ATP11A: variants seen among roughly 807,000 people sequenced by gnomAD.
ATP11A encodes the protein phospholipid-transporting ATPase IH.
Under a neutral mutation model 154.4 loss-of-function variants are expected in ATP11A, and 81 were observed. That is an observed-to-expected ratio of 0.52 (90% CI 0.44 to 0.63). ATP11A has a LOEUF of 0.63. Among genes scored for constraint, ATP11A ranks in the 30% least tolerant of loss-of-function variants. The pLI, the probability that ATP11A is intolerant of heterozygous loss-of-function variation, is 0.00. For synonymous variants in ATP11A, 623 were observed against 585.9 expected (o/e 1.06, Z -0.91); for missense variants, 1,316 against 1,474.3 (o/e 0.89, Z 1.76).
At chr13:112,868,435 G>T (rs747617917) in intron 25 of ATP11A, among the ~76,000 whole-genome samples, 1 of 152,190 alleles carries the variant, frequency 6.6e-6, no homozygotes, top group Non-Finnish European at 1.5e-5. Context: ...GTGGGGGCAT[G>T]GGGCTTAGCC....
rs1184133174 is a variant in ATP11A at position 112,807,079 on chromosome 13, A to G, written c.333+786A>G. Reference sequence around the variant, plus strand: ...TGTTTCCACTCTTTGGCTGTTCTGAATAATGCTGCTGAGAACATTTGTGTT... The same window carrying G: ...TGTTTCCACTCTTTGGCTGTTCTGAGTAATGCTGCTGAGAACATTTGTGTT... On this transcript the variant is annotated intron_variant, in intron 4 of 29. Transcript: ENST00000375645. This position sits in a 1 kb window ranked among gnomAD's most constrained non-coding sequence, Gnocchi z 4.5. Among the ~76,000 whole-genome samples, 1 of 152,228 alleles carries G rather than the reference A, an allele frequency of 6.6e-6. No individual in the cohort carries two copies. Among genetic ancestry groups the G allele is most frequent in the African/African-American group, 2.4e-5 (1 of 41,464 alleles).
chr13:112,823,902 A>G (rs745438756), intron 9 of ATP11A, among the ~76,000 whole-genome samples: 1 of 152,222 alleles, frequency 6.6e-6, no homozygotes, highest in Non-Finnish European at 1.5e-5. Context: ...ATTTGCATGT[A>G]GCCTACGCAT....
chr13:112,696,415 C>T lies in ATP11A; in HGVS notation c.39+5960C>T, dbSNP rs145179685. 3.3e-4 allele frequency among the ~76,000 whole-genome samples: 51 copies of T among 152,258 alleles called. No homozygotes were observed. In the East Asian group the frequency reaches 9.7e-3, roughly 29 times the overall value. On this transcript the variant is annotated intron_variant, in intron 1 of 29. Transcript: ENST00000375645. The surrounding 1 kb of genome is among the most constrained non-coding windows in gnomAD (Gnocchi z 6.2). Reference sequence around the variant, plus strand: ...GCCCCTGCCACGCCCAGCAGCCTTTCTGCCTCTGCGCTTGCCTCCTCCGGT... The same window carrying T: ...GCCCCTGCCACGCCCAGCAGCCTTTTTGCCTCTGCGCTTGCCTCCTCCGGT...
chr13:112,762,829 C>T (rs1459128685), intron 1 of ATP11A, among the ~76,000 whole-genome samples: 3 of 152,222 alleles, frequency 2.0e-5, no homozygotes, highest in African/African-American at 2.4e-5. Context: ...CCAGGAGTGG[C>T]GTGGAGGCCG....
intron 1 of ATP11A, among the ~76,000 whole-genome samples, chr13:112,701,942 C>T (rs1594333789): frequency 6.6e-6 from 1 of 152,114 alleles, no homozygotes; most frequent in Admixed American, 6.5e-5. Context: ...GTGGATGGGG[C>T]CTGCGGTTAT....
rs751936372 is a variant in ATP11A, at chr13:112,873,723, T to G, written c.3161+47T>G. On this transcript the variant is annotated intron_variant, in intron 27 of 29. Transcript: ENST00000375645. ...GATAATCTGATAAATATCATGTGGT[T>G]GTTATTTTTTTATCAAGGGTTGAAG... The G allele has an allele frequency of 1.5e-5, 23 of 1,559,120 alleles. 1 individual carries two copies. The highest frequency in any genetic ancestry group is 1.7e-4 in the Middle Eastern group (1 of 5,926).
chr13:112,692,841 T>A (rs1249008426), intron 1 of ATP11A, among the ~76,000 whole-genome samples: 1 of 152,210 alleles, frequency 6.6e-6, no homozygotes, highest in Admixed American at 6.5e-5. Context: ...TGCGTTATCG[T>A]CCACTATGTA....
chr13:112,703,678 C>T (rs983261187), intron 1 of ATP11A, among the ~76,000 whole-genome samples: 4 of 151,848 alleles, frequency 2.6e-5, no homozygotes, highest in African/African-American at 9.7e-5. Context: ...TAACAGACCG[C>T]AGTTCCCGTG....
At chr13:112,703,551 A>G (rs1347806207) in intron 1 of ATP11A, among the ~76,000 whole-genome samples, 3 of 152,250 alleles carry the variant, frequency 2.0e-5, no homozygotes, top group Non-Finnish European at 4.4e-5. Context: ...GCTTTATGAA[A>G]TAGATGACAG....
At chr13:112,780,721 G>C (rs954156133) in intron 1 of ATP11A, among the ~76,000 whole-genome samples, 12 of 152,130 alleles carry the variant, frequency 7.9e-5, no homozygotes, top group African/African-American at 2.9e-4. Flanking sequence ...GCCCTCCAGG[G>C]GACTTGCCAC....
chr13:112,817,948 T>C (rs185013561), intron 6 of ATP11A, among the ~76,000 whole-genome samples: 497 of 152,360 alleles, frequency 3.3e-3, no homozygotes, highest in Non-Finnish European at 5.3e-3. Flanking sequence ...CACAGGCCTG[T>C]TCACTTCTCT....
intron 1 of ATP11A, among the ~76,000 whole-genome samples, chr13:112,736,906 A>AT (rs1289880667): frequency 6.6e-6 from 1 of 152,216 alleles, no homozygotes; most frequent in Non-Finnish European, 1.5e-5. Flanking sequence ...AGGGATTTGT[A>AT]TCCAGGGCAG....
chr13:112,821,590 C>A (rs2078799180), intron 8 of ATP11A, among the ~76,000 whole-genome samples: 1 of 152,324 alleles, frequency 6.6e-6, no homozygotes, highest in East Asian at 1.9e-4. Flanking sequence ...GGATTATAGG[C>A]ATGAGCCACC....
rs2080729850 is a variant in ATP11A at position 112,876,528 on chromosome 13, C to T, written c.3327+587C>T. The stretch of plus-strand genomic sequence containing the variant: ...AACCCTAAATCAGAGGCAGTGACCA[C>T]GACCCACCTCTGCTGCTTTACTGGG... On this transcript the variant is annotated intron_variant, in intron 28 of 29. Coordinates refer to ENST00000375645, the MANE Select transcript of ATP11A (RefSeq NM_015205.3). Among the ~76,000 whole-genome samples, 3 of 152,198 alleles carry T rather than the reference C, an allele frequency of 2.0e-5. No individual in the cohort carries two copies. The South Asian group carries it at 6.2e-4, about 32-fold the overall frequency.
chr13:112,772,833 T>C (rs1566459610), intron 1 of ATP11A, among the ~76,000 whole-genome samples: 1 of 152,274 alleles, frequency 6.6e-6, no homozygotes, highest in Non-Finnish European at 1.5e-5. Flanking sequence ...TCTCCTGGGC[T>C]TGTTGGCCAT....
chr13:112,730,586 C>T (rs1298040302), intron 1 of ATP11A, among the ~76,000 whole-genome samples: 1 of 152,230 alleles, frequency 6.6e-6, no homozygotes, highest in South Asian at 2.1e-4. Flanking sequence ...CGGGTGCCTG[C>T]GCAGGTGCGG....
intron 1 of ATP11A, among the ~76,000 whole-genome samples, chr13:112,735,180 T>G (rs1890872585): frequency 6.6e-6 from 1 of 152,148 alleles, no homozygotes; most frequent in Admixed American, 6.5e-5. Context: ...GAAAATAAAC[T>G]TTTTCATTCA....
chr13:112,771,901 G>C (rs2077233336), intron 1 of ATP11A, among the ~76,000 whole-genome samples: 1 of 152,226 alleles, frequency 6.6e-6, no homozygotes, highest in South Asian at 2.1e-4. Context: ...CAGTCCGGTG[G>C]GGAGTGAAGC....
intron 1 of ATP11A, among the ~76,000 whole-genome samples, chr13:112,720,888 G>A (rs946564652): frequency 2.0e-5 from 3 of 152,162 alleles, no homozygotes; most frequent in Non-Finnish European, 4.4e-5. Flanking sequence ...GAGGGGCCAG[G>A]CGTGTTCAAC....
Sources: allele counts gnomAD v4.1 joint callset (sites outside exome capture counted in the v4.1 genomes callset), GRCh38; gene constraint gnomAD v4.1.1; non-coding constraint Gnocchi (gnomAD v3.1); transcripts MANE v1.5; gene names NCBI Gene and HGNC (gene_info 2026-07-23, HGNC 2026-07-21).